Variants in DPP6 observed in about 807,000 individuals in gnomAD.
DPP6 encodes the protein dipeptidyl peptidase like 6.
Under a neutral mutation model 122.6 loss-of-function variants are expected in DPP6, and 69 were observed. That is an observed-to-expected ratio of 0.56 (90% CI 0.46 to 0.69). The LOEUF is 0.69. Ranked by LOEUF, DPP6 falls within the 30% of genes least tolerant of loss-of-function variation. DPP6 has a pLI of 0.00. For missense variants in DPP6, 928 were observed against 1,116.9 expected (o/e 0.83, Z 2.41); for synonymous variants, 418 against 433.1 (o/e 0.97, Z 0.43).
In DPP6 at chr7:153,989,348, T is replaced by G. The variant is rs200701860; in HGVS notation, c.51+101614T>G. On this transcript the variant is annotated intron_variant, in intron 1 of 25. Coordinates refer to the DPP6 transcript ENST00000404039. The stretch of plus-strand genomic sequence containing the variant: ...GTGTGAGTGTGAGTGTGCAAGTGTG[T>G]GAGTGTGGGGGAGTGAGTATGGGGA... Among the ~76,000 whole-genome samples the G allele has an allele frequency of 8.6e-5, 13 of 150,740 alleles. No homozygotes were observed. The East Asian group carries it at 2.6e-3, about 31-fold the overall frequency.
At chr7:154,178,503 G>GA (rs1044080208) in intron 1 of DPP6, among the ~76,000 whole-genome samples, 18 of 139,146 alleles carry the variant, frequency 1.3e-4, no homozygotes, top group East Asian at 2.1e-4. Context: ...GGGATTCTTG[G>GA]AAAAAAAAAT....
intron 8 of DPP6, among the ~76,000 whole-genome samples, chr7:154,729,939 A>AT (rs1842253899): frequency 6.6e-6 from 1 of 152,158 alleles, no homozygotes; most frequent in Admixed American, 6.5e-5. Flanking sequence ...CAGCCCTAGA[A>AT]ATGGTGTGCC....
At chr7:154,763,517 A>G (rs1795704023) in intron 8 of DPP6, among the ~76,000 whole-genome samples, 1 of 152,178 alleles carries the variant, frequency 6.6e-6, no homozygotes, top group African/African-American at 2.4e-5. Flanking sequence ...TCGCTTGTCC[A>G]TATGATGAGA....
intron 2 of DPP6, among the ~76,000 whole-genome samples, chr7:154,450,361 ATAT>A (rs768586960): frequency 8.5e-5 from 13 of 152,228 alleles, no homozygotes; most frequent in South Asian, 2.1e-4. Flanking sequence ...GACTCTGTTA[ATAT>A]TATATATTTT....
intron 1 of DPP6, among the ~76,000 whole-genome samples, chr7:154,129,048 C>A (rs1808167424): frequency 6.6e-6 from 1 of 152,076 alleles, no homozygotes; most frequent in African/African-American, 2.4e-5. Flanking sequence ...TTCTTACAAA[C>A]CCACCACCCC....
rs941335232 is a variant in DPP6, at chr7:154,863,396, G to C, written c.1715-4599G>C. Reference sequence around the variant, plus strand: ...CTTGCTCTGTCACCTAGGCTCAAGGGGAGTGGTGCAATCACAGCTCAAGCT... The same window carrying C: ...CTTGCTCTGTCACCTAGGCTCAAGGCGAGTGGTGCAATCACAGCTCAAGCT... On this transcript the variant is annotated intron_variant, in intron 17 of 25. Transcript: ENST00000377770. The surrounding 1 kb of genome is among the most constrained non-coding windows in gnomAD (Gnocchi z 4.1). Among the ~76,000 whole-genome samples the C allele has an allele frequency of 2.0e-5, 3 of 149,954 alleles. No homozygotes were observed. Among genetic ancestry groups the C allele is most frequent in the Non-Finnish European group, 4.4e-5 (3 of 67,610 alleles).
chr7:154,639,388 C>T (rs1215923659), intron 6 of DPP6, among the ~76,000 whole-genome samples: 1 of 152,080 alleles, frequency 6.6e-6, no homozygotes, highest in African/African-American at 2.4e-5. Flanking sequence ...CCATTCTTTC[C>T]CAAGCAGATA....
intron 1 of DPP6, among the ~76,000 whole-genome samples, chr7:154,356,354 A>T (rs991648860): frequency 5.3e-5 from 8 of 152,266 alleles, no homozygotes; most frequent in African/African-American, 1.9e-4. Flanking sequence ...GTACTTGTGG[A>T]TTTGTTGATT....
intron 1 of DPP6, among the ~76,000 whole-genome samples, chr7:154,325,240 GGC>G (rs1377773961): frequency 2.6e-5 from 4 of 152,052 alleles, no homozygotes; most frequent in African/African-American, 9.7e-5. Context: ...GCTGCGAATC[GGC>G]AGAGTTGGGC....
intron 8 of DPP6, among the ~76,000 whole-genome samples, chr7:154,737,713 G>A (rs1285700304): frequency 6.6e-6 from 1 of 152,160 alleles, no homozygotes; most frequent in Non-Finnish European, 1.5e-5. Context: ...ATGAAATTAG[G>A]CTTGGGTCCA....
intron 1 of DPP6, among the ~76,000 whole-genome samples, chr7:154,123,670 C>T (rs554150977): frequency 6.6e-6 from 1 of 152,142 alleles, no homozygotes; most frequent in South Asian, 2.1e-4. Flanking sequence ...GATGTGCCGC[C>T]TGCTCACAGG....
chr7:154,876,702 A>C (rs778196057), intron 20 of DPP6, among the ~76,000 whole-genome samples: 9 of 152,242 alleles, frequency 5.9e-5, no homozygotes, highest in Non-Finnish European at 1.0e-4. Context: ...AGATGCTCCA[A>C]ATGACTTATT....
At chr7:154,305,335 T>TTGGGCCCCC in intron 1 of DPP6, 17 of 1,024,708 alleles carry the variant, frequency 1.7e-5, no homozygotes, top group Non-Finnish European at 2.0e-5. Context: ...TCGTCTTGTC[T>TTGGGCCCCC]ACCCACCCTC....
intron 5 of DPP6, among the ~76,000 whole-genome samples, chr7:154,589,826 T>G (rs1832696691): frequency 6.6e-6 from 1 of 152,224 alleles, no homozygotes; most frequent in Admixed American, 6.5e-5. Flanking sequence ...GCCTCTGGAC[T>G]CCTTTCTGTC....
At chr7:153,873,264 A>G in the DPP6 span, among the ~76,000 whole-genome samples, 1 of 152,248 alleles carries the variant, frequency 6.6e-6, no homozygotes, top group Non-Finnish European at 1.5e-5. Context: ...ATCTGCCCTC[A>G]TGACACAAAC....
At chr7:154,226,899 T>C (rs968316321) in intron 1 of DPP6, among the ~76,000 whole-genome samples, 6 of 152,066 alleles carry the variant, frequency 3.9e-5, no homozygotes, top group Non-Finnish European at 4.4e-5. Flanking sequence ...ACCTAGTGAA[T>C]GGGATGACAG....
intron 1 of DPP6, among the ~76,000 whole-genome samples, chr7:154,376,293 G>A (rs568546873): frequency 5.3e-5 from 8 of 152,264 alleles, no homozygotes; most frequent in East Asian, 3.9e-4. Context: ...TGGTTGCTCC[G>A]TACTTTGGTT....
rs62475789 is a variant in DPP6 at position 154,715,064 on chromosome 7, T to C, written c.763-12703T>C. Among the ~76,000 whole-genome samples, 11 of 8,908 alleles carry C rather than the reference T, an allele frequency of 1.2e-3. No homozygotes were observed. In the South Asian group the frequency reaches 0.022, roughly 18 times the overall value. 5.8% of individuals were successfully genotyped at this position (8,908 alleles called of 152,430 possible). On this transcript the variant is annotated intron_variant, in intron 7 of 25. Coordinates refer to ENST00000377770, the MANE Select transcript of DPP6 (RefSeq NM_130797.4). ...TTTATTTTATTTTATCTTATCTTAT[T>C]TTATTTTATTTTATTTTTTGAGATG...
chr7:154,691,545 C>T lies in DPP6; in HGVS notation c.762+22104C>T, dbSNP rs147408317. Among the ~76,000 whole-genome samples, 8 of 152,270 alleles carry T rather than the reference C, an allele frequency of 5.3e-5. No homozygotes were observed. The South Asian group carries it at 8.3e-4, about 16-fold the overall frequency. ...GAAAAGAAAATAAAGCAGCCGGGCG[C>T]GGTGGCTCACTCCTGTAATCTCAGC... On this transcript the variant is annotated intron_variant, in intron 7 of 25. Transcript: ENST00000377770.
Sources: allele counts gnomAD v4.1 joint callset (sites outside exome capture counted in the v4.1 genomes callset), GRCh38; gene constraint gnomAD v4.1.1; non-coding constraint Gnocchi (gnomAD v3.1); transcripts MANE v1.5; gene names NCBI Gene and HGNC (gene_info 2026-07-23, HGNC 2026-07-21).